KIF1B: variants seen among roughly 807,000 people sequenced by gnomAD.
KIF1B encodes kinesin family member 1B.
A neutral mutation model predicts 241.9 loss-of-function variants in KIF1B; 76 were observed. The observed-to-expected ratio is 0.31, with a 90% confidence interval of 0.26 to 0.38. The LOEUF is 0.38. Ranked by LOEUF, KIF1B falls within the 10% of genes least tolerant of loss-of-function variation. The pLI is 1.00. For missense variants in KIF1B, 1,622 were observed against 2,271.4 expected (o/e 0.71, Z 5.81); for synonymous variants, 750 against 796.7 (o/e 0.94, Z 0.99).
chr1:10,270,890 C>T (rs1246782748), intron 7 of KIF1B, among the ~76,000 whole-genome samples: 2 of 145,060 alleles, frequency 1.4e-5, no homozygotes, highest in African/African-American at 2.6e-5. Context: ...TGCACCATTG[C>T]ATTCCAGCCT....
chr1:10,226,987 A>ACAAG lies in KIF1B; in HGVS notation c.-79-5260_-79-5259insGCAA, dbSNP rs1479940699. Among the ~76,000 whole-genome samples, 5 of 149,676 alleles carry ACAAG rather than the reference A, an allele frequency of 3.3e-5. No homozygotes were observed. In the East Asian group the frequency reaches 9.8e-4, roughly 29 times the overall value. Reference sequence around the variant, plus strand: ...CCCTGTCTCAAAAACAAACAAACAAACAAAAAAATACATTGTATTTGGTTG... The same window carrying ACAAG: ...CCCTGTCTCAAAAACAAACAAACAAACAAGCAAAAAAATACATTGTATTTGGTTG... On this transcript the variant is annotated intron_variant, in intron 1 of 48. Coordinates refer to ENST00000676179, the MANE Select transcript of KIF1B (RefSeq NM_001365951.3).
At position 10,337,606 on chromosome 1, in the gene KIF1B, CTTTACATGTGTGAGGGA is replaced by C; in HGVS notation, c.3422+76_3422+92del. 9 of 1,518,936 alleles carry C rather than the reference CTTTACATGTGTGAGGGA, an allele frequency of 5.9e-6. No individual in the cohort carries two copies. Among genetic ancestry groups the C allele is most frequent in the Non-Finnish European group, 8.2e-6 (9 of 1,095,074 alleles). 94.1% of individuals were successfully genotyped at this position (1,518,936 alleles called of 1,614,324 possible). ...GACATCTCTTGTGCACTGTAGAGTG[CTTTACATGTGTGAGGGA>C]TTAACACTCTTGAGACAAAGACTGA... is the stretch of plus-strand genomic sequence containing the variant. On this transcript the variant is annotated intron_variant, in intron 31 of 48. Transcript: ENST00000676179. The surrounding 1 kb of genome is among the most constrained non-coding windows in gnomAD (Gnocchi z 4.0).
intron 1 of KIF1B, among the ~76,000 whole-genome samples, chr1:10,223,961 C>G (rs779414325): frequency 2.6e-5 from 4 of 152,150 alleles, no homozygotes; most frequent in Non-Finnish European, 5.9e-5. Flanking sequence ...CACAACAATG[C>G]CCGGCTAATT....
chr1:10,264,675 T>G (rs1486494923), intron 5 of KIF1B, among the ~76,000 whole-genome samples: 1 of 152,168 alleles, frequency 6.6e-6, no homozygotes, highest in East Asian at 1.9e-4. Context: ...TTGTCTTTTT[T>G]TTTGGAGACA....
intron 4 of KIF1B, among the ~76,000 whole-genome samples, chr1:10,261,448 T>C (rs1648140152): frequency 6.6e-6 from 1 of 152,046 alleles, no homozygotes; most frequent in African/African-American, 2.4e-5. Flanking sequence ...TTCACCATGT[T>C]GGCCAAGATG....
At chr1:10,268,313 G>A in intron 7 of KIF1B, 50 bp downstream of exon 7, 1 of 1,259,430 alleles carries the variant, frequency 7.9e-7, no homozygotes, top group Non-Finnish European at 1.2e-6. Context: ...TGGAGATTTT[G>A]AGAAGTCCCT....
Position 10,290,499 on chromosome 1 carries a change from T to C in KIF1B, c.1435-583T>C, listed in dbSNP as rs1225282187. On this transcript the variant is annotated intron_variant, in intron 15 of 48. Coordinates refer to ENST00000676179, the MANE Select transcript of KIF1B (RefSeq NM_001365951.3). ...AACTTTATTCTTTTTTTTCTTTTTTTGAGATGGAGTTTTGCTCTGTTGCTC... is the reference window on the plus strand; with the variant it reads ...AACTTTATTCTTTTTTTTCTTTTTTCGAGATGGAGTTTTGCTCTGTTGCTC... Among the ~76,000 whole-genome samples the C allele has an allele frequency of 1.4e-4, 21 of 151,966 alleles. 1 individual carries two copies. Among genetic ancestry groups the C allele is most frequent in the Non-Finnish European group, 1.5e-5 (1 of 67,982 alleles).
chr1:10,305,215 A>G (rs1005641708), intron 22 of KIF1B: 1 of 1,045,386 alleles, frequency 9.6e-7, no homozygotes, highest in Non-Finnish European at 1.2e-6. Context: ...ATATCTTGCA[A>G]TACATAGCTT....
rs1569931086 is a variant in KIF1B, at chr1:10,374,610, A to T, written c.5096+145A>T. 1 of 1,077,006 alleles carries T rather than the reference A, an allele frequency of 9.3e-7. No homozygotes were observed. The highest frequency in any genetic ancestry group is 2.5e-5 in the East Asian group (1 of 40,280). The allele number at this position is 1,077,006 out of a possible 1,614,324, so 66.7% of individuals were successfully genotyped here. On this transcript the variant is annotated intron_variant, in intron 46 of 48. Transcript: ENST00000676179. The surrounding 1 kb of genome is among the most constrained non-coding windows in gnomAD (Gnocchi z 4.3). ...TGATGCAAGTTGAGTCTGGGGTGAG[A>T]GGGCCAGCCTGGGTTTCTCCAGTTG...
At chr1:10,363,427 C>A in intron 41 of KIF1B, 83 bp downstream of exon 41, 1 of 1,182,950 alleles carries the variant, frequency 8.5e-7, no homozygotes, top group Non-Finnish European at 1.3e-6. Flanking sequence ...CACGGTGGCA[C>A]ACACCTGTAA....
Position 10,376,684 on chromosome 1 carries a change from A to G in KIF1B, c.*97A>G. On this transcript the variant is annotated 3_prime_UTR_variant, in exon 49 of 49. Coordinates refer to ENST00000676179, the MANE Select transcript of KIF1B (RefSeq NM_001365951.3). ...TTCTTGACGGTGACTCTTGTATGTA[A>G]TCCTGTGGCTTAACTACTTCTCCCT... 7.9e-7 allele frequency: 1 copy of G among 1,265,612 alleles called. No individual in the cohort carries two copies. The highest frequency in any genetic ancestry group is 1.2e-5 in the South Asian group (1 of 83,798). 78.4% of individuals were successfully genotyped at this position (1,265,612 alleles called of 1,614,324 possible). A position where few individuals can be genotyped will look rare whatever the true frequency, so the allele number is the denominator to read the frequency against.
intron 2 of KIF1B, among the ~76,000 whole-genome samples, chr1:10,255,002 GC>G (rs1365980407): frequency 6.6e-6 from 1 of 151,504 alleles, no homozygotes; most frequent in Non-Finnish European, 1.5e-5. Context: ...AGGCTGGAGT[GC>G]AGTGCATTAA....
At chr1:10,270,977 G>T (rs1265155407) in intron 7 of KIF1B, among the ~76,000 whole-genome samples, 1 of 151,364 alleles carries the variant, frequency 6.6e-6, no homozygotes, top group African/African-American at 2.4e-5. Context: ...TTTCCAAAGT[G>T]ATTGTACCAT....
intron 9 of KIF1B, 79 bp downstream of exon 9, chr1:10,272,385 A>T: frequency 1.0e-6 from 1 of 959,626 alleles, no homozygotes; most frequent in Non-Finnish European, 1.7e-6. Context: ...ATTGTTTATG[A>T]AGGCTGTCTT....
chr1:10,302,347 T>C (rs1650582996), intron 22 of KIF1B, among the ~76,000 whole-genome samples: 1 of 152,216 alleles, frequency 6.6e-6, no homozygotes, highest in Non-Finnish European at 1.5e-5. Context: ...TAACACACTT[T>C]AATCGTACGA....
rs201224213 is a variant in KIF1B at position 10,336,753 on chromosome 1, G to A, written c.3129+11G>A. 29 of 1,600,118 alleles carry A rather than the reference G, an allele frequency of 1.8e-5. No homozygotes were observed. In the Admixed American group the frequency reaches 2.3e-4, roughly 13 times the overall value. Reference sequence around the variant, plus strand: ...GAATACTTTAATCAGGTGAGAAACCGTCAGGAAGAAGGAAAACCCTGTGGA... The same window carrying A: ...GAATACTTTAATCAGGTGAGAAACCATCAGGAAGAAGGAAAACCCTGTGGA... On this transcript the variant is annotated intron_variant, in intron 29 of 48. Transcript: ENST00000676179.
intron 22 of KIF1B, among the ~76,000 whole-genome samples, chr1:10,300,248 A>ATAATAATAATAAT (rs1296212786): frequency 1.3e-5 from 2 of 148,242 alleles, no homozygotes; most frequent in Non-Finnish European, 3.0e-5. Context: ...AATAATAATA[A>ATAATAATAATAAT]TAATAATAAT....
At chr1:10,267,669 T>C (rs1039244247) in intron 6 of KIF1B, 111 bp downstream of exon 6, 11 of 930,284 alleles carry the variant, frequency 1.2e-5, no homozygotes, top group Admixed American at 1.9e-5. Flanking sequence ...GCTTTAATTG[T>C]GGAGTCCTCT....
At chr1:10,242,918 A>G (rs907493432) in intron 2 of KIF1B, among the ~76,000 whole-genome samples, 7 of 152,172 alleles carry the variant, frequency 4.6e-5, no homozygotes, top group Admixed American at 1.3e-4. Context: ...ATTGAGAAGG[A>G]TGGCAGGGAA....
Sources: gnomAD v4.1 joint callset for allele counts (sites outside exome capture counted in the v4.1 genomes callset) on GRCh38, gnomAD v4.1.1 for gene constraint, Gnocchi (gnomAD v3.1) non-coding constraint, MANE v1.5 for transcripts, NCBI Gene and HGNC (gene_info 2026-07-23, HGNC 2026-07-21) for gene names.